BCKDHB: variants seen among roughly 807,000 people sequenced by gnomAD.
BCKDHB encodes the protein branched chain keto acid dehydrogenase E1 subunit beta.
In BCKDHB, 41 loss-of-function variants were observed where a neutral mutation model predicts 48.5. That is an observed-to-expected ratio of 0.85 (90% confidence interval 0.66 to 1.10). The LOEUF is 1.10. Among genes scored for constraint, BCKDHB ranks in the 50% least tolerant of loss-of-function variants. The probability of loss-of-function intolerance (pLI) is 0.00; values close to 1 mark genes in which losing one functional copy is unlikely to be tolerated. For synonymous variants in BCKDHB, 201 were observed against 174.8 expected (o/e 1.15, Z -1.18); for missense variants, 496 against 494.2 (o/e 1.00, Z -0.03).
intron 9 of BCKDHB, among the ~76,000 whole-genome samples, chr6:80,286,753 TAGAC>T (rs1427464371): frequency 5.9e-5 from 9 of 152,314 alleles, no homozygotes; most frequent in Admixed American, 2.6e-4. Context: ...AAGTGTTTCA[TAGAC>T]AGAGTCTGAA....
chr6:80,462,699 T>C, the BCKDHB span, among the ~76,000 whole-genome samples: 12,218 of 152,176 alleles, frequency 0.08, 1,539 homozygotes, highest in African/African-American at 0.27. Context: ...AAATACTTAA[T>C]TCCACATTCA....
Position 80,254,246 on chromosome 6 carries a change from A to C in BCKDHB, c.952-18889A>C, listed in dbSNP as rs180923972. On this transcript the variant is annotated intron_variant, in intron 8 of 9. Coordinates refer to ENST00000320393, the MANE Select transcript of BCKDHB (RefSeq NM_183050.4). ...TTTATTTCTATTTTATCCTGATTGT[A>C]TCTCTTAAGGTACATATTCTTCTTT... Among the ~76,000 whole-genome samples the C allele has an allele frequency of 3.5e-3, 539 of 151,904 alleles. 7 individuals are homozygous for C. Among genetic ancestry groups the C allele is most frequent in the Admixed American group, 0.031 (469 of 15,252 alleles).
the BCKDHB span, among the ~76,000 whole-genome samples, chr6:80,410,944 T>C: frequency 6.6e-6 from 1 of 152,374 alleles, no homozygotes; most frequent in South Asian, 2.1e-4. Flanking sequence ...AGCCTACTTC[T>C]GTCAACTTGT....
chr6:80,464,599 G>C, the BCKDHB span, among the ~76,000 whole-genome samples: 1 of 152,142 alleles, frequency 6.6e-6, no homozygotes, highest in African/African-American at 2.4e-5. Context: ...GCCCAATGGA[G>C]GCCATTCACT....
chr6:80,366,395 G>A, the BCKDHB span, among the ~76,000 whole-genome samples: 1 of 152,132 alleles, frequency 6.6e-6, no homozygotes, highest in Admixed American at 6.5e-5. Context: ...TGGCTGTCTA[G>A]TGCAACCCTA....
chr6:80,397,745 G>T, the BCKDHB span, among the ~76,000 whole-genome samples: 2 of 152,074 alleles, frequency 1.3e-5, no homozygotes, highest in Non-Finnish European at 2.9e-5. Flanking sequence ...AGCCAGGCAT[G>T]GTGGCGTGTG....
At chr6:80,440,555 C>T in the BCKDHB span, among the ~76,000 whole-genome samples, 1 of 151,994 alleles carries the variant, frequency 6.6e-6, no homozygotes, top group Non-Finnish European at 1.5e-5. Flanking sequence ...TGCTCATAAA[C>T]ACCCCACATG....
At chr6:80,356,926 T>C in the BCKDHB span, 3 of 114,168 alleles carry the variant, frequency 2.6e-5, no homozygotes, top group East Asian at 2.4e-4. Context: ...TTTCCCTCTC[T>C]CTCTCTCTCC....
At chr6:80,166,540 C>T (rs1479451291) in intron 3 of BCKDHB, among the ~76,000 whole-genome samples, 2 of 151,546 alleles carry the variant, frequency 1.3e-5, no homozygotes, top group African/African-American at 2.4e-5. Flanking sequence ...CCTATAATCC[C>T]AGCTACTCGG....
chr6:80,291,972 A>AC (rs1766939047), intron 9 of BCKDHB, among the ~76,000 whole-genome samples: 1 of 152,208 alleles, frequency 6.6e-6, no homozygotes, highest in Non-Finnish European at 1.5e-5. Context: ...AATCTTAGAT[A>AC]AGACTTCTTA....
downstream of BCKDHB, among the ~76,000 whole-genome samples, chr6:80,346,615 A>T (rs531047975): frequency 6.6e-6 from 1 of 152,196 alleles, no homozygotes; most frequent in Non-Finnish European, 1.5e-5. Flanking sequence ...AAAACTGCCA[A>T]GTTTTAGCTG....
At chr6:80,416,245 G>GTTT in the BCKDHB span, among the ~76,000 whole-genome samples, 2,544 of 139,386 alleles carry the variant, frequency 0.018, 60 homozygotes, top group African/African-American at 0.062. Context: ...TTTTGAATAG[G>GTTT]TTTTTTTTTT....
intron 8 of BCKDHB, among the ~76,000 whole-genome samples, chr6:80,239,875 C>G (rs1348426023): frequency 2.6e-5 from 4 of 152,136 alleles, no homozygotes; most frequent in African/African-American, 7.2e-5. Flanking sequence ...TTCCCCATTT[C>G]TTGTTTATGT....
At chr6:80,389,643 C>T in the BCKDHB span, among the ~76,000 whole-genome samples, 2 of 152,158 alleles carry the variant, frequency 1.3e-5, no homozygotes, top group Non-Finnish European at 2.9e-5. Flanking sequence ...CAGCAGTGGG[C>T]TTATGCTTAT....
At chr6:80,184,677 C>T (rs1030196876) in intron 6 of BCKDHB, among the ~76,000 whole-genome samples, 14 of 152,206 alleles carry the variant, frequency 9.2e-5, no homozygotes, top group African/African-American at 3.4e-4. Flanking sequence ...AAGACTTTAT[C>T]TCTCCTCTAT....
chr6:80,456,267 C>T, the BCKDHB span, among the ~76,000 whole-genome samples: 1 of 150,858 alleles, frequency 6.6e-6, no homozygotes, highest in African/African-American at 2.4e-5. Flanking sequence ...CCTAAAACAA[C>T]AACACATAGT....
rs544789946 is a variant in BCKDHB at position 80,328,183 on chromosome 6, A to C, written c.1039-15481A>C. On this transcript the variant is annotated intron_variant, in intron 9 of 9. Transcript: ENST00000320393. ...AAGGGAAAACTAGATTTTGCAGGTA[A>C]ACTTTGATTTGTTGAATGCCTGCTT... is the stretch of plus-strand genomic sequence containing the variant. 1.8e-4 allele frequency among the ~76,000 whole-genome samples: 27 copies of C among 152,272 alleles called. 1 individual carries two copies. The highest frequency in any genetic ancestry group is 4.8e-4 in the African/African-American group (20 of 41,564).
chr6:80,112,627 G>C (rs1004767451), intron 1 of BCKDHB, among the ~76,000 whole-genome samples: 1 of 152,172 alleles, frequency 6.6e-6, no homozygotes, highest in Non-Finnish European at 1.5e-5. Context: ...CAACAAACAA[G>C]CCCCAAGAGT....
intron 8 of BCKDHB, among the ~76,000 whole-genome samples, chr6:80,214,971 G>A (rs993527689): frequency 1.3e-5 from 2 of 152,088 alleles, no homozygotes; most frequent in Non-Finnish European, 1.5e-5. Context: ...TTTAATTGTT[G>A]AGAGTAGTTT....
Sources: allele counts gnomAD v4.1 joint callset (sites outside exome capture counted in the v4.1 genomes callset), GRCh38; gene constraint gnomAD v4.1.1; transcripts MANE v1.5; gene names NCBI Gene and HGNC (gene_info 2026-07-23, HGNC 2026-07-21).